EIF4E3: variants seen among roughly 807,000 people sequenced by gnomAD.
EIF4E3 encodes the protein eukaryotic translation initiation factor 4E family member 3.
In EIF4E3, 26 loss-of-function variants were observed where a neutral mutation model predicts 31.7. The observed-to-expected ratio is 0.82, with a 90% CI of 0.60 to 1.14. The LOEUF (loss-of-function observed/expected upper bound fraction) is 1.14, where lower values mean the gene tolerates loss of function less well. Among genes scored for constraint, EIF4E3 ranks in the 50% most tolerant of loss-of-function variants. The pLI, the probability that EIF4E3 is intolerant of heterozygous loss-of-function variation, is 0.00. For missense variants in EIF4E3, 304 were observed against 270.9 expected (o/e 1.12, Z -0.86); for synonymous variants, 128 against 107.7 (o/e 1.19, Z -1.17).
At chr3:71,740,731 T>G (rs531018885) in intron 1 of EIF4E3, among the ~76,000 whole-genome samples, 1 of 152,256 alleles carries the variant, frequency 6.6e-6, no homozygotes, top group East Asian at 1.9e-4. Context: ...AGACCCTGTC[T>G]CGAAAAACAA....
At chr3:71,721,036 T>G (rs13325901) in intron 1 of EIF4E3, among the ~76,000 whole-genome samples, 15,773 of 152,062 alleles carry the variant, frequency 0.1, 1,529 homozygotes, top group African/African-American at 0.26. Flanking sequence ...AGAAAGAGAA[T>G]AGAGAGAAAT....
chr3:71,731,407 G>C (rs1047042497), intron 1 of EIF4E3, among the ~76,000 whole-genome samples: 6 of 152,106 alleles, frequency 3.9e-5, no homozygotes, highest in African/African-American at 1.4e-4. Flanking sequence ...TCCTTCTCCT[G>C]CCTTAGGCCT....
At chr3:71,723,672 T>C (rs1006652540) in intron 1 of EIF4E3, among the ~76,000 whole-genome samples, 2 of 152,236 alleles carry the variant, frequency 1.3e-5, no homozygotes, top group African/African-American at 2.4e-5. Flanking sequence ...ATTCACAATT[T>C]AGACCACAGG....
chr3:71,742,190 G>A (rs901508405), intron 1 of EIF4E3, among the ~76,000 whole-genome samples: 1 of 151,948 alleles, frequency 6.6e-6, no homozygotes, highest in African/African-American at 2.4e-5. Flanking sequence ...AAAAACAGTA[G>A]AGAACATCAA....
intron 1 of EIF4E3, among the ~76,000 whole-genome samples, chr3:71,739,484 C>A (rs900866468): frequency 6.6e-6 from 1 of 152,030 alleles, no homozygotes; most frequent in Admixed American, 6.6e-5. Context: ...TCACCTGAGG[C>A]TATGTGCCCC....
chr3:71,713,271 G>T (rs1322985647), intron 1 of EIF4E3, among the ~76,000 whole-genome samples: 1 of 152,188 alleles, frequency 6.6e-6, no homozygotes, highest in Non-Finnish European at 1.5e-5. Flanking sequence ...CCACAAATAT[G>T]TGATTTGAAT....
chr3:71,709,726 T>C (rs1469739843), intron 2 of EIF4E3, among the ~76,000 whole-genome samples: 1 of 152,132 alleles, frequency 6.6e-6, no homozygotes, highest in Non-Finnish European at 1.5e-5. Context: ...CCATCAGAGT[T>C]AGATAGAGAA....
At chr3:71,718,285 C>T (rs913615016) in intron 1 of EIF4E3, among the ~76,000 whole-genome samples, 8 of 152,250 alleles carry the variant, frequency 5.3e-5, no homozygotes, top group African/African-American at 1.9e-4. Context: ...GCTACACCAG[C>T]TTCCTGTCTG....
At chr3:71,666,718 C>T in the EIF4E3 span, among the ~76,000 whole-genome samples, 1 of 152,142 alleles carries the variant, frequency 6.6e-6, no homozygotes, top group East Asian at 1.9e-4. Flanking sequence ...GGGCGGATTG[C>T]CTGAGGTCAG....
At chr3:71,754,472 C>T (rs1442928582), upstream of EIF4E3, 6 of 1,321,020 alleles carry the variant, frequency 4.5e-6, no homozygotes, top group Admixed American at 6.2e-5. This position sits in a 1 kb window ranked among gnomAD's most constrained non-coding sequence, Gnocchi z 5.8. Context: ...CGTGCGCCGC[C>T]ATGCTGGTGT....
intron 2 of EIF4E3, among the ~76,000 whole-genome samples, chr3:71,706,805 AAAGT>A (rs1277455913): frequency 2.6e-5 from 4 of 152,272 alleles, no homozygotes; most frequent in African/African-American, 9.6e-5. Flanking sequence ...CCTGGGTGAC[AAAGT>A]GAGACCCTGT....
At chr3:71,748,348 C>T (rs74670555) in intron 1 of EIF4E3, among the ~76,000 whole-genome samples, 2,544 of 152,178 alleles carry the variant, frequency 0.017, 84 homozygotes, top group African/African-American at 0.058. Context: ...TTTGGGTGCA[C>T]GCGGAGGCCC....
At chr3:71,718,399 T>C (rs925195616) in intron 1 of EIF4E3, among the ~76,000 whole-genome samples, 2 of 152,250 alleles carry the variant, frequency 1.3e-5, no homozygotes, top group East Asian at 3.8e-4. Context: ...TCTGCATGTT[T>C]ATTTGATTTT....
At chr3:71,692,669 T>C (rs766671525) in intron 5 of EIF4E3, among the ~76,000 whole-genome samples, 2 of 151,814 alleles carry the variant, frequency 1.3e-5, no homozygotes, top group Admixed American at 6.6e-5. Flanking sequence ...TCATAGCTCA[T>C]TGCAGCCTCT....
At chr3:71,725,824 G>A (rs1400391117), upstream of EIF4E3, among the ~76,000 whole-genome samples, 1 of 152,130 alleles carries the variant, frequency 6.6e-6, no homozygotes, top group Non-Finnish European at 1.5e-5. The surrounding 1 kb of genome is among the most constrained non-coding windows in gnomAD (Gnocchi z 6.1). Context: ...AGACCCACGT[G>A]GTGCGAGGGA....
chr3:71,696,661 T>A (rs12107018), intron 3 of EIF4E3, 141 bp from the exon 4 acceptor site: 48,276 of 854,218 alleles, frequency 0.057, 1,929 homozygotes, highest in African/African-American at 0.17. Context: ...CTTATTTTTG[T>A]TTTTTATTTT....
the EIF4E3 span, among the ~76,000 whole-genome samples, chr3:71,663,208 G>A: frequency 0.019 from 2,820 of 152,122 alleles, 85 homozygotes; most frequent in African/African-American, 0.064. Context: ...GGGTCTCCTC[G>A]CCTGTTGTGT....
chr3:71,715,439 T>C (rs2049450530), intron 1 of EIF4E3, among the ~76,000 whole-genome samples: 1 of 152,210 alleles, frequency 6.6e-6, no homozygotes. Flanking sequence ...TTCCCCAGGC[T>C]CCCAAAGACA....
intron 1 of EIF4E3, among the ~76,000 whole-genome samples, chr3:71,713,100 G>C (rs1331802466): frequency 2.0e-5 from 3 of 152,268 alleles, no homozygotes; most frequent in Admixed American, 1.3e-4. Flanking sequence ...CAGTGTCAGT[G>C]ACTAACATGT....
Sources: gnomAD v4.1 joint callset for allele counts (sites outside exome capture counted in the v4.1 genomes callset) on GRCh38, gnomAD v4.1.1 for gene constraint, Gnocchi (gnomAD v3.1) non-coding constraint, MANE v1.5 for transcripts, NCBI Gene and HGNC (gene_info 2026-07-23, HGNC 2026-07-21) for gene names.